SNX11: variants seen among roughly 807,000 people sequenced by gnomAD.
The protein encoded by SNX11 is sorting nexin-11.
SNX11 carries 19 observed loss-of-function variants against 30.7 expected under a neutral mutation model. The ratio of observed to expected loss-of-function variants is 0.62; its 90% CI spans 0.43 to 0.91. SNX11 has a LOEUF of 0.91. Ranked by LOEUF, SNX11 falls within the 40% of genes least tolerant of loss-of-function variation. SNX11 has a pLI of 0.00. For synonymous variants in SNX11, 112 were observed against 119.0 expected (o/e 0.94, Z 0.38); for missense variants, 302 against 326.7 (o/e 0.92, Z 0.58).
At chr17:48,119,247 G>T (rs2063575775) in intron 6 of SNX11, 61 bp downstream of exon 6, 2 of 1,275,016 alleles carry the variant, frequency 1.6e-6, no homozygotes, top group South Asian at 1.2e-5. Context: ...GACCAGAGAG[G>T]TGTCCATTTG....
At chr17:48,121,191 C>T in intron 6 of SNX11, 44 bp from the exon 7 acceptor site, 1 of 1,602,444 alleles carries the variant, frequency 6.2e-7, no homozygotes, top group South Asian at 1.1e-5. Flanking sequence ...CTATGTTACC[C>T]AAGCTGTTCA....
intron 4 of SNX11, among the ~76,000 whole-genome samples, chr17:48,118,187 G>C (rs982172897): frequency 6.6e-6 from 1 of 152,068 alleles, no homozygotes; most frequent in African/African-American, 2.4e-5. Context: ...TCTTTCTCAC[G>C]GGGTTTTGGG....
chr17:48,115,697 A>T (rs891185149), intron 4 of SNX11, among the ~76,000 whole-genome samples: 8 of 152,076 alleles, frequency 5.3e-5, no homozygotes, highest in African/African-American at 1.9e-4. Flanking sequence ...CCTCACACCC[A>T]CCTGCCAAAT....
Position 48,113,405 on chromosome 17 carries a change from A to C in SNX11, c.230+4A>C, listed in dbSNP as rs1356802753. ...TACAGAGAAATGCTGGTTTGGTGTG[A>C]GTTTGCTCTTGCTTCCTTCTTGGGT... On this transcript the variant is annotated splice_donor_region_variant and intron_variant, in intron 4 of 6. Transcript: ENST00000359238. 1 of 1,610,594 alleles carries C rather than the reference A, an allele frequency of 6.2e-7. No individual in the cohort carries two copies. The highest frequency in any genetic ancestry group is 2.2e-5 in the East Asian group (1 of 44,844).
intron 3 of SNX11, 147 bp downstream of exon 3, chr17:48,112,807 T>C: frequency 2.6e-6 from 1 of 390,432 alleles, no homozygotes. Context: ...CTCGGCTTAC[T>C]GCAACCTCCG....
At chr17:48,116,306 G>A (rs748863177) in intron 4 of SNX11, among the ~76,000 whole-genome samples, 3 of 152,020 alleles carry the variant, frequency 2.0e-5, no homozygotes, top group Non-Finnish European at 2.9e-5. Flanking sequence ...AGCCTCAAAC[G>A]CCTGGGGTCA....
intron 2 of SNX11, 145 bp from the exon 3 acceptor site, chr17:48,112,429 T>G: frequency 1.5e-6 from 1 of 686,038 alleles, no homozygotes; most frequent in Non-Finnish European, 2.6e-6. Flanking sequence ...AGTGACTGAA[T>G]TGAGTGAATG....
At chr17:48,120,825 T>G (rs2063592467) in intron 6 of SNX11, among the ~76,000 whole-genome samples, 1 of 151,654 alleles carries the variant, frequency 6.6e-6, no homozygotes, top group Admixed American at 6.6e-5. Flanking sequence ...TTTATTTTTT[T>G]AAATTGAGAT....
At position 48,122,802 on chromosome 17, in the gene SNX11, C is replaced by T. The variant is rs2063613589; in HGVS notation, c.*1294C>T. On this transcript the variant is annotated 3_prime_UTR_variant, in exon 7 of 7. Coordinates refer to ENST00000359238, the MANE Select transcript of SNX11 (RefSeq NM_013323.3). ...GTAGCAGAGAAGGAGGGAGTGAGCG[C>T]TGGCAGTATTTCCTTTCATAAATCA... is the stretch of plus-strand genomic sequence containing the variant. 1 of 152,186 alleles carries T rather than the reference C, an allele frequency of 6.6e-6. No homozygotes were observed. The highest frequency in any genetic ancestry group is 2.1e-4 in the South Asian group (1 of 4,828). 9.4% of individuals were successfully genotyped at this position (152,186 alleles called of 1,614,324 possible). A position where few individuals can be genotyped will look rare whatever the true frequency, so the allele number is the denominator to read the frequency against.
Position 48,118,954 on chromosome 17 carries a change from GCTAC to G in SNX11, c.327-17_327-14del. ...TCCTCAGGGTGATGCTCTGTGTTGTGCTACCTGTGTTTTTCCCAGGGTCCTGCAG... is the reference window on the plus strand; with the variant it reads ...TCCTCAGGGTGATGCTCTGTGTTGTGCTGTGTTTTTCCCAGGGTCCTGCAG... On this transcript the variant is annotated splice_polypyrimidine_tract_variant and intron_variant, in intron 5 of 6. Coordinates refer to ENST00000359238, the MANE Select transcript of SNX11 (RefSeq NM_013323.3). 1 of 1,611,456 alleles carries G rather than the reference GCTAC, an allele frequency of 6.2e-7. No individual in the cohort carries two copies. The highest frequency in any genetic ancestry group is 1.1e-5 in the South Asian group (1 of 91,006).
intron 4 of SNX11, 161 bp downstream of exon 4, chr17:48,113,562 T>TGACA: frequency 1.9e-6 from 1 of 524,742 alleles, no homozygotes; most frequent in Non-Finnish European, 3.4e-6. Context: ...TTTTTTTTTT[T>TGACA]TGATGTAGGG....
In SNX11 at chr17:48,112,680, G is replaced by T; in HGVS notation, c.129+20G>T. On this transcript the variant is annotated intron_variant, in intron 3 of 6. Coordinates refer to ENST00000359238, the MANE Select transcript of SNX11 (RefSeq NM_013323.3). ...CTCCATGTGAGTACATCAAGCTTCT[G>T]TATTGGGGTCAGCGCTCTGCAGGGC... 1 of 1,541,284 alleles carries T rather than the reference G, an allele frequency of 6.5e-7. No homozygotes were observed. The highest frequency in any genetic ancestry group is 9.0e-7 in the Non-Finnish European group (1 of 1,116,522).
chr17:48,112,857 A>G (rs1016574031), intron 3 of SNX11, 197 bp downstream of exon 3: 4 of 339,920 alleles, frequency 1.2e-5, no homozygotes, highest in East Asian at 1.1e-4. Context: ...CAGCCTCCCA[A>G]GTAGCTGGGA....
chr17:48,118,565 G>C, intron 4 of SNX11, 139 bp from the exon 5 acceptor site: 1 of 575,876 alleles, frequency 1.7e-6, no homozygotes, highest in Non-Finnish European at 3.0e-6. Flanking sequence ...GCGACAGAGC[G>C]AGACTCCATC....
intron 4 of SNX11, among the ~76,000 whole-genome samples, chr17:48,118,058 A>G (rs1187912791): frequency 6.6e-6 from 1 of 152,142 alleles, no homozygotes; most frequent in Non-Finnish European, 1.5e-5. Context: ...ACAGACAAAA[A>G]TAATGTATCA....
chr17:48,112,906 A>C, intron 3 of SNX11: 1 of 279,712 alleles, frequency 3.6e-6, no homozygotes, highest in Non-Finnish European at 6.8e-6. Flanking sequence ...AATTTTGAAT[A>C]TATATTTTTT....
rs2063600454 is a variant in SNX11, at chr17:48,121,335, G to A, written c.640G>A (p.Glu214Lys). Residue 214 changes from glutamate to lysine, a missense_variant, in exon 7 of 7, where the codon GAG (glutamate) becomes AAG (lysine). Coordinates refer to ENST00000359238, the MANE Select transcript of SNX11 (RefSeq NM_013323.3). Reference protein sequence around the residue: ...LEVWAPVVDSEVPSLESPTLP... With the variant: ...LEVWAPVVDSKVPSLESPTLP... ...AGTGTGGGCTCCAGTTGTTGACTCT[G>A]AGGTTCCTTCCTTGGAAAGTCCCAC... The A allele has an allele frequency of 6.2e-7, 1 of 1,614,016 alleles. No homozygotes were observed. Among genetic ancestry groups the A allele is most frequent in the African/African-American group, 1.3e-5 (1 of 74,888 alleles).
chr17:48,113,507 A>G, intron 4 of SNX11, 106 bp downstream of exon 4: 1 of 745,550 alleles, frequency 1.3e-6, no homozygotes, highest in Non-Finnish European at 2.3e-6. Context: ...CCAGGCACTA[A>G]GGAAATTGGG....
chr17:48,115,939 C>T (rs1436160272), intron 4 of SNX11, among the ~76,000 whole-genome samples: 2 of 126,120 alleles, frequency 1.6e-5, no homozygotes. Flanking sequence ...TTTTCTTTTT[C>T]TTTCTTTTTT....
Sources: allele counts gnomAD v4.1 joint callset (sites outside exome capture counted in the v4.1 genomes callset), GRCh38; gene constraint gnomAD v4.1.1; transcripts MANE v1.5; gene names NCBI Gene and HGNC (gene_info 2026-07-23, HGNC 2026-07-21).